KLF12: variants seen among roughly 807,000 people sequenced by gnomAD.
KLF12 encodes Krueppel-like factor 12.
In KLF12, 9 loss-of-function variants were observed where a neutral mutation model predicts 37.8. The ratio of observed to expected loss-of-function variants is 0.24; its 90% CI spans 0.14 to 0.42. KLF12 has a LOEUF of 0.42. Ranked by LOEUF, KLF12 falls within the 10% of genes least tolerant of loss-of-function variation. KLF12 has a pLI of 1.00. For missense variants in KLF12, 411 were observed against 516.0 expected (o/e 0.80, Z 1.97); for synonymous variants, 208 against 202.1 (o/e 1.03, Z -0.25).
the KLF12 span, among the ~76,000 whole-genome samples, chr13:74,268,960 A>G: frequency 6.6e-6 from 1 of 152,196 alleles, no homozygotes. Flanking sequence ...TAGAGTTGCT[A>G]GTTCACAGTG....
intron 1 of KLF12, among the ~76,000 whole-genome samples, chr13:74,071,037 A>C (rs1874204920): frequency 6.6e-6 from 1 of 152,220 alleles, no homozygotes; most frequent in Admixed American, 6.5e-5. Flanking sequence ...AATTACCTTT[A>C]CAGAACTGTG....
At chr13:73,928,243 T>C (rs1593740750) in intron 3 of KLF12, among the ~76,000 whole-genome samples, 1 of 152,346 alleles carries the variant, frequency 6.6e-6, no homozygotes, top group East Asian at 1.9e-4. Context: ...ATACAGGCAC[T>C]TGAAATATGC....
chr13:74,217,296 T>C, the KLF12 span, among the ~76,000 whole-genome samples: 1 of 150,162 alleles, frequency 6.7e-6, no homozygotes, highest in African/African-American at 2.5e-5. Flanking sequence ...TCATTCATTG[T>C]GGCATAATAG....
chr13:74,231,605 T>A, the KLF12 span: 1 of 152,168 alleles, frequency 6.6e-6, no homozygotes, highest in African/African-American at 2.4e-5. Flanking sequence ...TATCCCAACA[T>A]ATACAACATA....
intron 3 of KLF12, among the ~76,000 whole-genome samples, chr13:73,910,708 G>A (rs1888525850): frequency 6.6e-6 from 1 of 152,028 alleles, no homozygotes; most frequent in Non-Finnish European, 1.5e-5. Flanking sequence ...AAATAACCAG[G>A]GGTGCTATGG....
the KLF12 span, among the ~76,000 whole-genome samples, chr13:74,180,697 G>T: frequency 0.024 from 3,646 of 152,216 alleles, 149 homozygotes; most frequent in African/African-American, 0.08. Flanking sequence ...TTGAGAATGG[G>T]TATTGCTGTG....
At chr13:73,964,403 C>T (rs1443513652) in intron 2 of KLF12, among the ~76,000 whole-genome samples, 1 of 152,134 alleles carries the variant, frequency 6.6e-6, no homozygotes, top group Admixed American at 6.5e-5. Context: ...AAACAGCCTA[C>T]CCAGGTTTTT....
the KLF12 span, among the ~76,000 whole-genome samples, chr13:74,195,042 G>GCC: frequency 2.0e-5 from 3 of 152,148 alleles, no homozygotes; most frequent in African/African-American, 7.2e-5. Flanking sequence ...AAAGCAGACT[G>GCC]AACAGGAGCT....
the KLF12 span, among the ~76,000 whole-genome samples, chr13:74,192,456 T>A: frequency 2.0e-5 from 3 of 152,214 alleles, no homozygotes; most frequent in Non-Finnish European, 4.4e-5. Context: ...ACCCATTAGA[T>A]CTGTTAGAAA....
intron 7 of KLF12, among the ~76,000 whole-genome samples, chr13:73,705,962 T>C (rs1395793885): frequency 6.6e-6 from 1 of 152,066 alleles, no homozygotes; most frequent in Admixed American, 6.6e-5. Context: ...GACCATCCTG[T>C]CCAACATGGT....
chr13:73,852,164 A>G (rs769925532), intron 3 of KLF12, among the ~76,000 whole-genome samples: 10 of 152,172 alleles, frequency 6.6e-5, no homozygotes, highest in Non-Finnish European at 1.5e-4. Context: ...GTCTTGCATG[A>G]GCCCCCATGG....
chr13:74,154,681 C>A, the KLF12 span, among the ~76,000 whole-genome samples: 1 of 152,118 alleles, frequency 6.6e-6, no homozygotes, highest in African/African-American at 2.4e-5. Context: ...CCTGGATTAC[C>A]CACTAGCTGC....
At chr13:73,763,163 T>G (rs1879677929) in intron 6 of KLF12, among the ~76,000 whole-genome samples, 1 of 152,168 alleles carries the variant, frequency 6.6e-6, no homozygotes, top group Non-Finnish European at 1.5e-5. Context: ...CTCCCAAGTA[T>G]GAACTCTCAA....
intron 3 of KLF12, among the ~76,000 whole-genome samples, chr13:73,896,895 ATTAG>A (rs970692961): frequency 1.3e-5 from 2 of 152,140 alleles, no homozygotes; most frequent in African/African-American, 4.8e-5. Context: ...CTTTCCTTTT[ATTAG>A]TTCTGTGTTT....
At chr13:73,771,105 A>C (rs1206090514) in intron 5 of KLF12, among the ~76,000 whole-genome samples, 8 of 152,224 alleles carry the variant, frequency 5.3e-5, no homozygotes, top group Admixed American at 1.3e-4. Flanking sequence ...GCTGATGCTC[A>C]ACTGTAAGAT....
At chr13:74,137,642 A>G (rs144754485), upstream of KLF12, among the ~76,000 whole-genome samples, 47 of 152,242 alleles carry the variant, frequency 3.1e-4, no homozygotes, top group African/African-American at 1.1e-3. Context: ...TGTTAATGTA[A>G]AAGTAAGTGT....
intron 5 of KLF12, among the ~76,000 whole-genome samples, chr13:73,798,982 T>C (rs1206602810): frequency 6.6e-6 from 1 of 152,202 alleles, no homozygotes; most frequent in Non-Finnish European, 1.5e-5. Context: ...TGTAGCACTA[T>C]TCACAATAGC....
chr13:74,285,636 G>A, the KLF12 span, among the ~76,000 whole-genome samples: 6 of 152,134 alleles, frequency 3.9e-5, no homozygotes, highest in Non-Finnish European at 7.4e-5. Context: ...CCCATCTGTA[G>A]TTACCATCCA....
chr13:73,845,991 G>A lies in KLF12; in HGVS notation c.506C>T (p.Pro169Leu). ...AGACTGTAAATTCATGGGACTTGAA[G>A]GCGGTACGGGATGGATAATGTGCAA... Residue 169 changes from proline (P) to leucine (L), a missense_variant, in exon 4 of 8, where the codon CCT becomes CTT. Physicochemically the swap from Pro to Leu is moderately conservative, Grantham distance 98. Transcript: ENST00000377669. The A allele has an allele frequency of 2.5e-6, 4 of 1,614,168 alleles. No homozygotes were observed. Among genetic ancestry groups the A allele is most frequent in the Non-Finnish European group, 3.4e-6 (4 of 1,180,026 alleles).
Sources: gnomAD v4.1 joint callset for allele counts (sites outside exome capture counted in the v4.1 genomes callset) on GRCh38, gnomAD v4.1.1 for gene constraint, MANE v1.5 for transcripts, NCBI Gene and HGNC (gene_info 2026-07-23, HGNC 2026-07-21) for gene names.